CTNNA3: variants seen among roughly 807,000 people sequenced by gnomAD.
The protein encoded by CTNNA3 is catenin alpha-3.
In CTNNA3, 76 loss-of-function variants were observed where a neutral mutation model predicts 95.7. That is an observed-to-expected ratio of 0.79 (90% CI 0.66 to 0.96). The LOEUF is 0.96. CTNNA3 is among the 40% of genes least tolerant of loss of function. The pLI is 0.00. For synonymous variants in CTNNA3, 431 were observed against 374.4 expected (o/e 1.15, Z -1.74); for missense variants, 1,191 against 1,089.8 (o/e 1.09, Z -1.31).
intron 5 of CTNNA3, among the ~76,000 whole-genome samples, chr10:67,278,664 C>T (rs1839281374): frequency 6.6e-6 from 1 of 152,116 alleles, no homozygotes; most frequent in South Asian, 2.1e-4. Context: ...ACCTGCCTTT[C>T]AGTTGACTGC....
chr10:66,001,104 T>C (rs950690646), intron 15 of CTNNA3, among the ~76,000 whole-genome samples: 3 of 152,088 alleles, frequency 2.0e-5, no homozygotes, highest in African/African-American at 7.2e-5. Context: ...GAATACAGCC[T>C]AAATCTCTGT....
intron 1 of CTNNA3, among the ~76,000 whole-genome samples, chr10:67,659,465 C>A (rs1840117349): frequency 6.6e-6 from 1 of 152,162 alleles, no homozygotes; most frequent in Non-Finnish European, 1.5e-5. Flanking sequence ...GCAATGCCTT[C>A]TACTTAAGGA....
intron 11 of CTNNA3, among the ~76,000 whole-genome samples, chr10:66,480,864 A>G (rs776250597): frequency 9.9e-5 from 15 of 152,098 alleles, no homozygotes; most frequent in Non-Finnish European, 2.1e-4. Context: ...TAGCCTCCCA[A>G]AGTGCTGGGA....
chr10:66,261,874 C>A (rs2091013145), intron 13 of CTNNA3, among the ~76,000 whole-genome samples: 1 of 151,952 alleles, frequency 6.6e-6, no homozygotes, highest in Admixed American at 6.6e-5. Flanking sequence ...CCCCTGTACT[C>A]TTCCACCAAT....
intron 7 of CTNNA3, among the ~76,000 whole-genome samples, chr10:67,150,846 T>A (rs542686106): frequency 1.2e-3 from 176 of 152,206 alleles, no homozygotes; most frequent in Non-Finnish European, 2.0e-3. Flanking sequence ...ATTTTGAGAT[T>A]TGGTATGAGG....
intron 12 of CTNNA3, among the ~76,000 whole-genome samples, chr10:66,358,703 A>AAAG (rs1206801654): frequency 1.3e-5 from 2 of 152,212 alleles, no homozygotes; most frequent in Non-Finnish European, 2.9e-5. Flanking sequence ...TTTGCAATCA[A>AAAG]AAGAAGATTA....
rs182778566 is a variant in CTNNA3 at position 66,763,004 on chromosome 10, G to A, written c.1281+3260C>T. On this transcript the variant is annotated intron_variant, in intron 9 of 17. Coordinates refer to ENST00000433211, the MANE Select transcript of CTNNA3 (RefSeq NM_013266.4). The stretch of plus-strand genomic sequence containing the variant: ...CATTTAGAATGTAAGACTTTCTGCC[G>A]TGCTATGTCAAATTGCCCAACTTGG... Among the ~76,000 whole-genome samples, 21 of 152,072 alleles carry A rather than the reference G, an allele frequency of 1.4e-4. No homozygotes were observed. The East Asian group carries it at 2.9e-3, about 21-fold the overall frequency.
intron 12 of CTNNA3, among the ~76,000 whole-genome samples, chr10:66,336,388 T>C (rs546360641): frequency 6.6e-6 from 1 of 152,084 alleles, no homozygotes; most frequent in African/African-American, 2.4e-5. Flanking sequence ...CCAGCACATA[T>C]TTCTTCTTAC....
At chr10:67,405,192 C>A (rs1845089667) in intron 5 of CTNNA3, among the ~76,000 whole-genome samples, 1 of 152,106 alleles carries the variant, frequency 6.6e-6, no homozygotes, top group Admixed American at 6.5e-5. Context: ...ATCACAGGAT[C>A]AAATCCATAC....
intron 11 of CTNNA3, among the ~76,000 whole-genome samples, chr10:66,507,196 C>T (rs117542072): frequency 0.019 from 2,831 of 152,062 alleles, 58 homozygotes; most frequent in East Asian, 0.082. Context: ...ACATTTTGTT[C>T]ATTTTTCTCT....
chr10:66,141,063 A>G (rs139178480), intron 13 of CTNNA3, among the ~76,000 whole-genome samples: 1,659 of 152,198 alleles, frequency 0.011, 23 homozygotes, highest in African/African-American at 0.038. Flanking sequence ...GTTCAGGACC[A>G]GCCTGGGCAA....
At chr10:66,175,415 G>A (rs577151698) in intron 13 of CTNNA3, among the ~76,000 whole-genome samples, 3 of 152,272 alleles carry the variant, frequency 2.0e-5, no homozygotes, top group South Asian at 2.1e-4. Flanking sequence ...AAATAGAGTC[G>A]AGTCAACACC....
intron 9 of CTNNA3, among the ~76,000 whole-genome samples, chr10:66,761,543 C>G (rs1303975801): frequency 6.6e-6 from 1 of 152,014 alleles, no homozygotes; most frequent in Non-Finnish European, 1.5e-5. Flanking sequence ...TAGTGCTCAG[C>G]ATGAATTGAC....
At chr10:66,807,666 A>C (rs1841708394) in intron 7 of CTNNA3, among the ~76,000 whole-genome samples, 1 of 152,164 alleles carries the variant, frequency 6.6e-6, no homozygotes, top group Non-Finnish European at 1.5e-5. Flanking sequence ...ATTAGCTCAA[A>C]ACTATTTTCC....
At chr10:66,173,938 G>A (rs553109415) in intron 13 of CTNNA3, among the ~76,000 whole-genome samples, 7 of 152,268 alleles carry the variant, frequency 4.6e-5, no homozygotes, top group Non-Finnish European at 1.0e-4. Flanking sequence ...CAGCTGGTAA[G>A]CTGAAGATGC....
At chr10:67,504,089 G>A (rs1332535812) in intron 5 of CTNNA3, among the ~76,000 whole-genome samples, 3 of 151,230 alleles carry the variant, frequency 2.0e-5, no homozygotes, top group African/African-American at 4.9e-5. Flanking sequence ...CCCAGAAGGT[G>A]GAGCTTGCAG....
At chr10:67,058,354 A>G (rs1855563493) in intron 7 of CTNNA3, among the ~76,000 whole-genome samples, 1 of 152,208 alleles carries the variant, frequency 6.6e-6, no homozygotes, top group Non-Finnish European at 1.5e-5. Context: ...TATGTATTAC[A>G]TTGGTTTCAA....
intron 7 of CTNNA3, among the ~76,000 whole-genome samples, chr10:67,163,369 A>G (rs1861629658): frequency 6.6e-6 from 1 of 152,176 alleles, no homozygotes; most frequent in African/African-American, 2.4e-5. Flanking sequence ...AAATCATATG[A>G]TTATGTAAAT....
intron 5 of CTNNA3, among the ~76,000 whole-genome samples, chr10:67,391,746 C>T (rs1234775065): frequency 1.6e-4 from 24 of 148,612 alleles, no homozygotes; most frequent in Admixed American, 6.7e-4. Context: ...TCAGAAATAA[C>T]GCCGCATATC....
Sources: allele counts gnomAD v4.1 joint callset (sites outside exome capture counted in the v4.1 genomes callset), GRCh38; gene constraint gnomAD v4.1.1; transcripts MANE v1.5; gene names NCBI Gene and HGNC (gene_info 2026-07-23, HGNC 2026-07-21).